Variants in SPOCK1 observed in about 807,000 individuals in gnomAD.
SPOCK1 encodes SPARC (osteonectin), cwcv and kazal like domains proteoglycan 1.
In SPOCK1, 23 loss-of-function variants were observed where a neutral mutation model predicts 55.3. The ratio of observed to expected loss-of-function variants is 0.42; its 90% CI spans 0.30 to 0.59. The LOEUF is 0.59. Ranked by LOEUF, SPOCK1 falls within the 20% of genes least tolerant of loss-of-function variation. The pLI, the probability that SPOCK1 is intolerant of heterozygous loss-of-function variation, is 0.22. For synonymous variants in SPOCK1, 226 were observed against 221.0 expected, an observed-to-expected ratio of 1.02 and a Z score of -0.20; for missense variants, 499 against 552.5, an observed-to-expected ratio of 0.90 and a Z score of 0.97.
At chr5:137,112,984 C>A (rs568530304) in intron 4 of SPOCK1, among the ~76,000 whole-genome samples, 1 of 152,258 alleles carries the variant, frequency 6.6e-6, no homozygotes, top group South Asian at 2.1e-4. Context: ...GTGTGGAGGA[C>A]GCACGGGCAA....
At chr5:137,420,397 T>G (rs199984957) in intron 2 of SPOCK1, among the ~76,000 whole-genome samples, 2 of 151,882 alleles carry the variant, frequency 1.3e-5, no homozygotes, top group African/African-American at 2.4e-5. Flanking sequence ...GTACCTCTGG[T>G]AGAATTCAGC....
intron 5 of SPOCK1, among the ~76,000 whole-genome samples, chr5:137,103,959 A>C (rs1753316098): frequency 6.6e-6 from 1 of 152,252 alleles, no homozygotes; most frequent in African/African-American, 2.4e-5. Context: ...GTTTGTCCCC[A>C]ACCTTCAAAC....
chr5:137,281,383 T>C (rs912604487), intron 2 of SPOCK1, among the ~76,000 whole-genome samples: 4 of 152,254 alleles, frequency 2.6e-5, no homozygotes, highest in Non-Finnish European at 2.9e-5. Context: ...GCCATGATCA[T>C]GGCTAAAGTC....
intron 3 of SPOCK1, among the ~76,000 whole-genome samples, chr5:137,218,468 T>C (rs1265005323): frequency 2.6e-5 from 4 of 152,236 alleles, no homozygotes; most frequent in African/African-American, 9.6e-5. Flanking sequence ...TTTGTTCTGA[T>C]TGAAATGAAC....
At chr5:137,117,039 C>T (rs1419610679) in intron 4 of SPOCK1, among the ~76,000 whole-genome samples, 1 of 152,200 alleles carries the variant, frequency 6.6e-6, no homozygotes, top group Non-Finnish European at 1.5e-5. Flanking sequence ...TCCAAGCAAG[C>T]ACCTTGATTT....
At chr5:137,467,247 C>G (rs867220160) in intron 2 of SPOCK1, among the ~76,000 whole-genome samples, 20 of 152,212 alleles carry the variant, frequency 1.3e-4, no homozygotes, top group Middle Eastern at 3.2e-3. Context: ...ATTCTACTGG[C>G]TAGAGATGAG....
intron 2 of SPOCK1, among the ~76,000 whole-genome samples, chr5:137,470,909 C>T (rs1313273343): frequency 6.6e-6 from 1 of 152,144 alleles, no homozygotes; most frequent in Admixed American, 6.5e-5. Flanking sequence ...GTTAGTCATC[C>T]AACCTTGGGC....
chr5:137,238,457 C>G (rs2127098498), intron 3 of SPOCK1, among the ~76,000 whole-genome samples: 1 of 152,172 alleles, frequency 6.6e-6, no homozygotes, highest in Admixed American at 6.5e-5. Flanking sequence ...AAAATAAGTG[C>G]TACACATAAA....
chr5:137,100,069 G>A (rs551688587), intron 5 of SPOCK1, among the ~76,000 whole-genome samples: 2 of 152,186 alleles, frequency 1.3e-5, no homozygotes, highest in East Asian at 1.9e-4. Context: ...TCTATCATAC[G>A]GCTGGATTTC....
At chr5:137,365,999 A>G (rs541517451) in intron 2 of SPOCK1, among the ~76,000 whole-genome samples, 15 of 152,336 alleles carry the variant, frequency 9.8e-5, no homozygotes, top group African/African-American at 3.6e-4. Flanking sequence ...GAATTGCCCA[A>G]AAGGGTGCAG....
intron 3 of SPOCK1, among the ~76,000 whole-genome samples, chr5:137,251,055 T>A (rs930313197): frequency 6.6e-6 from 1 of 152,290 alleles, no homozygotes; most frequent in South Asian, 2.1e-4. Context: ...AGAGGGCTTG[T>A]TTCAACATAG....
intron 3 of SPOCK1, among the ~76,000 whole-genome samples, chr5:137,208,641 G>A (rs1755559975): frequency 6.6e-6 from 1 of 152,162 alleles, no homozygotes; most frequent in Non-Finnish European, 1.5e-5. Flanking sequence ...TCACTTATAA[G>A]TGGGGGCTAA....
chr5:137,394,692 G>A (rs980368774), intron 2 of SPOCK1, among the ~76,000 whole-genome samples: 4 of 152,158 alleles, frequency 2.6e-5, no homozygotes, highest in Admixed American at 6.5e-5. Context: ...GCTGAACCAG[G>A]AGGCAGAGAC....
chr5:137,155,154 CG>C (rs796923054), intron 3 of SPOCK1, among the ~76,000 whole-genome samples: 1 of 152,326 alleles, frequency 6.6e-6, no homozygotes, highest in African/African-American at 2.4e-5. Context: ...CCACATGATC[CG>C]TTTTAAGCAT....
At chr5:137,207,506 T>C (rs1200818301) in intron 3 of SPOCK1, among the ~76,000 whole-genome samples, 1 of 152,234 alleles carries the variant, frequency 6.6e-6, no homozygotes, top group Admixed American at 6.5e-5. Flanking sequence ...TGGGTTTCCA[T>C]ATGCTTTACC....
chr5:137,456,581 C>T (rs1753373302), intron 2 of SPOCK1, among the ~76,000 whole-genome samples: 1 of 152,106 alleles, frequency 6.6e-6, no homozygotes, highest in Admixed American at 6.5e-5. Context: ...TTTATTCAGT[C>T]AATGAACACT....
chr5:137,205,288 GC>G (rs1755498413), intron 3 of SPOCK1, among the ~76,000 whole-genome samples: 1 of 152,190 alleles, frequency 6.6e-6, no homozygotes, highest in Non-Finnish European at 1.5e-5. Context: ...GAAAAGAAAA[GC>G]CATGAATGGG....
intron 3 of SPOCK1, among the ~76,000 whole-genome samples, chr5:137,144,943 A>G (rs2127054268): frequency 6.6e-6 from 1 of 152,286 alleles, no homozygotes; most frequent in African/African-American, 2.4e-5. Context: ...GGATGCAGAC[A>G]TCCCCAGAGG....
chr5:137,233,366 C>A (rs1323157011), intron 3 of SPOCK1, among the ~76,000 whole-genome samples: 1 of 152,120 alleles, frequency 6.6e-6, no homozygotes, highest in Non-Finnish European at 1.5e-5. Context: ...ATAAGAAGAG[C>A]ACAACCTAGA....
Sources: allele counts gnomAD v4.1 joint callset (sites outside exome capture counted in the v4.1 genomes callset), GRCh38; gene constraint gnomAD v4.1.1; transcripts MANE v1.5; gene names NCBI Gene and HGNC (gene_info 2026-07-23, HGNC 2026-07-21).